Variants in NRXN1 observed in about 807,000 individuals in gnomAD.
NRXN1 encodes the protein neurexin 1.
In NRXN1, 39 loss-of-function variants were observed where a neutral mutation model predicts 150.9. That is an observed-to-expected ratio of 0.26 (90% CI 0.20 to 0.34). The LOEUF is 0.34. Ranked by LOEUF, NRXN1 falls within the 10% of genes least tolerant of loss-of-function variation. NRXN1 has a pLI of 1.00. For missense variants in NRXN1, 1,815 were observed against 1,949.9 expected (o/e 0.93, Z 1.30); for synonymous variants, 924 against 757.0 (o/e 1.22, Z -3.62).
chr2:50,428,106 G>T (rs115336916), intron 17 of NRXN1, among the ~76,000 whole-genome samples: 1 of 152,034 alleles, frequency 6.6e-6, no homozygotes, highest in African/African-American at 2.4e-5. Flanking sequence ...CAAGAGAAGC[G>T]AGGATAAGAT....
intron 17 of NRXN1, among the ~76,000 whole-genome samples, chr2:50,338,296 C>A (rs2077319884): frequency 6.6e-6 from 1 of 152,154 alleles, no homozygotes; most frequent in Admixed American, 6.5e-5. Context: ...TTCTCTGCTT[C>A]ACCTTCAGAA....
chr2:50,190,635 A>G (rs1289583902), intron 18 of NRXN1, among the ~76,000 whole-genome samples: 1 of 138,768 alleles, frequency 7.2e-6, no homozygotes, highest in South Asian at 2.2e-4. Context: ...TTTTTGAGAC[A>G]GAGTTTCACT....
intron 17 of NRXN1, among the ~76,000 whole-genome samples, chr2:50,449,016 G>C (rs1011509390): frequency 2.0e-5 from 3 of 152,160 alleles, no homozygotes; most frequent in Admixed American, 6.5e-5. Context: ...GAACGAAGCA[G>C]AGTTTGCCAA....
At chr2:50,253,883 G>A (rs545539822) in intron 17 of NRXN1, among the ~76,000 whole-genome samples, 1 of 145,996 alleles carries the variant, frequency 6.8e-6, no homozygotes, top group South Asian at 2.2e-4. Context: ...CTTTTTTTTT[G>A]TTGTATCTCT....
chr2:49,967,816 G>C (rs1677218886), intron 21 of NRXN1, among the ~76,000 whole-genome samples: 1 of 152,016 alleles, frequency 6.6e-6, no homozygotes, highest in Admixed American at 6.6e-5. Flanking sequence ...AACACTTGTT[G>C]CAGTGGATGT....
At chr2:50,092,579 T>C (rs910570749) in intron 18 of NRXN1, among the ~76,000 whole-genome samples, 3 of 152,218 alleles carry the variant, frequency 2.0e-5, no homozygotes, top group African/African-American at 7.2e-5. Flanking sequence ...ATCAGAATGT[T>C]AGAAACCTGA....
chr2:50,923,252 A>G (rs1054003668), intron 3 of NRXN1, among the ~76,000 whole-genome samples: 8 of 151,898 alleles, frequency 5.3e-5, no homozygotes, highest in African/African-American at 1.7e-4. Flanking sequence ...TTCAAATACA[A>G]AATGATCATT....
At chr2:50,512,667 A>G (rs1476095064) in intron 12 of NRXN1, among the ~76,000 whole-genome samples, 1 of 152,188 alleles carries the variant, frequency 6.6e-6, no homozygotes, top group Non-Finnish European at 1.5e-5. Flanking sequence ...GAACTTATTT[A>G]GGACCTAACA....
intron 2 of NRXN1, among the ~76,000 whole-genome samples, chr2:50,990,078 T>G (rs1049845145): frequency 6.6e-6 from 1 of 152,012 alleles, no homozygotes; most frequent in African/African-American, 2.4e-5. Context: ...ACTAATGATG[T>G]TGAGCATCTT....
intron 8 of NRXN1, among the ~76,000 whole-genome samples, chr2:50,612,784 C>T (rs1389696125): frequency 6.6e-6 from 1 of 152,120 alleles, no homozygotes; most frequent in East Asian, 1.9e-4. Flanking sequence ...CACTCACAGC[C>T]ATGTGTTCTG....
At chr2:50,533,985 G>T (rs1046807700) in intron 10 of NRXN1, among the ~76,000 whole-genome samples, 1 of 151,890 alleles carries the variant, frequency 6.6e-6, no homozygotes, top group African/African-American at 2.4e-5. Context: ...TAGAATACAA[G>T]TACCTTGAGG....
chr2:51,003,129 T>C (rs763598976), intron 2 of NRXN1, among the ~76,000 whole-genome samples: 2 of 151,958 alleles, frequency 1.3e-5, no homozygotes, highest in African/African-American at 2.4e-5. Context: ...GAGCATCTTC[T>C]ATGCAGCCCT....
intron 2 of NRXN1, among the ~76,000 whole-genome samples, chr2:50,971,204 T>C (rs1694937777): frequency 1.3e-5 from 2 of 152,188 alleles, no homozygotes; most frequent in Non-Finnish European, 2.9e-5. Flanking sequence ...AGTAGACAGC[T>C]AATAAACATC....
chr2:50,465,548 G>C lies in NRXN1; in HGVS notation c.3258C>G (p.Thr1086=). The change falls in exon 17 of 23, where the codon ACC becomes ACG. Residue 1086 remains threonine (T), a synonymous_variant. Coordinates refer to ENST00000401669, the MANE Select transcript of NRXN1 (RefSeq NM_001330078.2). ...GATTGGAACATGAGTCCTCTTGGCA[G>C]GTTGTGCTGGGCCCTGCAAAACAAT... ...IERGCEGPST[T]CQEDSCSNQG... is the part of the protein sequence containing the mutation. The C allele has an allele frequency of 6.2e-7, 1 of 1,608,776 alleles. No homozygotes were observed. Among genetic ancestry groups the C allele is most frequent in the Non-Finnish European group, 8.5e-7 (1 of 1,177,192 alleles).
chr2:50,719,097 A>C (rs1352408971), intron 5 of NRXN1, among the ~76,000 whole-genome samples: 2 of 151,690 alleles, frequency 1.3e-5, no homozygotes, highest in African/African-American at 2.4e-5. Flanking sequence ...TCAAAGAATT[A>C]AAAATTTGGA....
intron 18 of NRXN1, among the ~76,000 whole-genome samples, chr2:50,166,331 G>A (rs903130234): frequency 6.7e-6 from 1 of 149,880 alleles, no homozygotes; most frequent in Non-Finnish European, 1.5e-5. Context: ...GTGTTTGTGT[G>A]TGTGTGTGTG....
At chr2:50,550,437 A>C (rs1667271427) in intron 9 of NRXN1, among the ~76,000 whole-genome samples, 1 of 152,072 alleles carries the variant, frequency 6.6e-6, no homozygotes, top group Non-Finnish European at 1.5e-5. Flanking sequence ...GTAATTTTCA[A>C]AATTTTATTC....
chr2:50,815,246 T>C (rs72889446), intron 5 of NRXN1, among the ~76,000 whole-genome samples: 4,270 of 152,216 alleles, frequency 0.028, 220 homozygotes, highest in African/African-American at 0.097. Flanking sequence ...CAGACACCGA[T>C]CTCCAGTGCA....
At chr2:50,523,570 C>T (rs892378648) in intron 12 of NRXN1, among the ~76,000 whole-genome samples, 14 of 152,176 alleles carry the variant, frequency 9.2e-5, no homozygotes, top group African/African-American at 3.1e-4. Flanking sequence ...CAGTGGTTGA[C>T]ATTTTGCATT....
Sources: allele counts gnomAD v4.1 joint callset (sites outside exome capture counted in the v4.1 genomes callset), GRCh38; gene constraint gnomAD v4.1.1; transcripts MANE v1.5; gene names NCBI Gene and HGNC (gene_info 2026-07-23, HGNC 2026-07-21).